Variants in THG1L observed in about 807,000 individuals in gnomAD.
THG1L encodes the protein probable tRNA(His) guanylyltransferase.
A neutral mutation model predicts 35.2 loss-of-function variants in THG1L; 27 were observed. That is an observed-to-expected ratio of 0.77 (90% CI 0.57 to 1.06). The LOEUF (loss-of-function observed/expected upper bound fraction) is 1.06. Ranked by LOEUF, THG1L falls within the 50% of genes least tolerant of loss-of-function variation. The probability of loss-of-function intolerance (pLI) is 0.00; values close to 1 mark genes in which losing one functional copy is unlikely to be tolerated. For missense variants in THG1L, 377 were observed against 371.8 expected (o/e 1.01, Z -0.12); for synonymous variants, 135 against 132.4 (o/e 1.02, Z -0.14).
intron 5 of THG1L, 110 bp from the exon 6 acceptor site, chr5:157,739,211 T>C: frequency 1.1e-6 from 1 of 944,492 alleles, no homozygotes; most frequent in Non-Finnish European, 1.6e-6. Flanking sequence ...ATCTCAAATC[T>C]GGCAGTCGGA....
Position 157,738,375 on chromosome 5 carries a change from A to G in THG1L, c.735+381A>G, listed in dbSNP as rs12513753. 8.7e-3 allele frequency among the ~76,000 whole-genome samples: 1,329 copies of G among 152,282 alleles called. 23 individuals are homozygous for G. The highest frequency in any genetic ancestry group is 0.03 in the African/African-American group (1,239 of 41,564). On this transcript the variant is annotated intron_variant, in intron 5 of 5. Coordinates refer to ENST00000231198, the MANE Select transcript of THG1L (RefSeq NM_017872.5). ...TAAATGGTCTCTCCATCCCATGACAACTGTAATATGAGGCACTAAGAGACA... is the reference window on the plus strand; with the variant it reads ...TAAATGGTCTCTCCATCCCATGACAGCTGTAATATGAGGCACTAAGAGACA...
rs1037475199 is a variant in THG1L, at chr5:157,732,264, A to G, written c.192-604A>G. Reference sequence around the variant, plus strand: ...AAAAAAGAGAGAGAGAGAGAGAAAGAAGGAAGAGAGAAAGAAAGAAAAAGA... The same window carrying G: ...AAAAAAGAGAGAGAGAGAGAGAAAGGAGGAAGAGAGAAAGAAAGAAAAAGA... On this transcript the variant is annotated intron_variant, in intron 1 of 5. Transcript: ENST00000231198. Among the ~76,000 whole-genome samples the G allele has an allele frequency of 2.7e-5, 4 of 146,192 alleles. No homozygotes were observed. In the East Asian group the frequency reaches 8.2e-4, roughly 30 times the overall value.
chr5:157,738,575 T>A, intron 5 of THG1L: 1 of 420,552 alleles, frequency 2.4e-6, no homozygotes, highest in South Asian at 1.7e-5. Flanking sequence ...TTTCCTTCCA[T>A]GTAAAGTTTT....
At position 157,731,606 on chromosome 5, in the gene THG1L, C is replaced by T. The variant is rs762909954; in HGVS notation, c.166C>T (p.Arg56Trp). 3 of 1,596,876 alleles carry T rather than the reference C, an allele frequency of 1.9e-6. No individual in the cohort carries two copies. Among genetic ancestry groups the T allele is most frequent in the East Asian group, 2.3e-5 (1 of 43,896 alleles). The change falls in exon 1 of 6, where the codon CGG becomes TGG. Residue 56 changes from arginine (R) to tryptophan (W), a missense_variant. Arg to Trp is a moderately radical substitution (Grantham distance 101). Transcript: ENST00000231198. ...CCTGGCACACTGCTGGGTGGTAGTG[C>T]GGCTGGACGGCCGGAATTTCCATCG... is the stretch of plus-strand genomic sequence containing the variant. ...TCLAHCWVVV[R>W]LDGRNFHRFA...
chr5:157,734,875 A>G (rs559169829), intron 3 of THG1L, 130 bp downstream of exon 3: 9 of 969,660 alleles, frequency 9.3e-6, no homozygotes, highest in Middle Eastern at 2.3e-4. Context: ...CAGTATTTAA[A>G]TATTTTTTCA....
rs1259414654 is a variant in THG1L at position 157,732,873 on chromosome 5, C to T, written c.197C>T (p.Ala66Val). The change falls in exon 2 of 6, where the codon GCT becomes GTT. Residue 66 changes from alanine to valine, a missense_variant. Transcript: ENST00000231198. ...RLDGRNFHRF[A>V]EKHNFAKPND... The stretch of plus-strand genomic sequence containing the variant: ...TCCCTTTTTCCCCTGTGAAGGTTTG[C>T]TGAGAAGCACAACTTTGCAAAACCC... The T allele has an allele frequency of 6.2e-7, 1 of 1,614,122 alleles. No homozygotes were observed. Among genetic ancestry groups the T allele is most frequent in the African/African-American group, 1.3e-5 (1 of 75,042 alleles).
chr5:157,731,491 CAT>C lies in THG1L; in HGVS notation c.52_53del (p.Ile18HisfsTer26). The C allele has an allele frequency of 6.2e-7, 1 of 1,610,316 alleles. No individual in the cohort carries two copies. Among genetic ancestry groups the C allele is most frequent in the Non-Finnish European group, 8.5e-7 (1 of 1,178,104 alleles). On this transcript the variant is annotated frameshift_variant, in exon 1 of 6. Coordinates refer to ENST00000231198, the MANE Select transcript of THG1L (RefSeq NM_017872.5). LOFTEE classifies it high-confidence loss of function. ...TTCACGATTCCTTGGCCACCATTTC[CAT>C]CACTCTGAGACGGTACCTGAGATTG... is the stretch of plus-strand genomic sequence containing the variant. ...KVHDSLATIS[I>X]TLRRYLRLGA...
chr5:157,731,690 C>T, intron 1 of THG1L, 59 bp downstream of exon 1: 5 of 1,543,422 alleles, frequency 3.2e-6, no homozygotes, highest in Non-Finnish European at 4.4e-6. Context: ...AATCCAGCTT[C>T]TTCCCTTGCA....
chr5:157,736,225 T>G (rs1760884696), intron 4 of THG1L, among the ~76,000 whole-genome samples: 1 of 151,666 alleles, frequency 6.6e-6, no homozygotes, highest in African/African-American at 2.4e-5. Flanking sequence ...TGTATGACTG[T>G]GTATGACTGC....
rs1375269341 is a variant in THG1L, at chr5:157,737,940, C to A, written c.681C>A (p.Asn227Lys). Residue 227 changes from asparagine (N) to lysine (K), a missense_variant, in exon 5 of 6, where the codon AAC becomes AAA. Transcript: ENST00000231198. ...NEILFSEFNI[N>K]YNNELPMYRK... is the part of the protein sequence containing the mutation. The stretch of plus-strand genomic sequence containing the variant: ...TTTTGTTTTCTGAATTCAACATCAA[C>A]TATAATAATGAGCTGCCGATGTATA... 1 of 1,613,424 alleles carries A rather than the reference C, an allele frequency of 6.2e-7. No homozygotes were observed. Among genetic ancestry groups the A allele is most frequent in the East Asian group, 2.2e-5 (1 of 44,864 alleles).
intron 4 of THG1L, among the ~76,000 whole-genome samples, chr5:157,737,193 A>G (rs1223046097): frequency 5.9e-5 from 9 of 152,170 alleles, no homozygotes; most frequent in African/African-American, 2.2e-4. Context: ...TTATATAGCA[A>G]TAATAGGAAA....
rs771524724 is a variant in THG1L at position 157,731,502 on chromosome 5, G to A, written c.62G>A (p.Arg21Lys). The A allele has an allele frequency of 2.5e-6, 4 of 1,613,116 alleles. No homozygotes were observed. Among genetic ancestry groups the A allele is most frequent in the Middle Eastern group, 3.3e-4 (2 of 6,058 alleles). Residue 21 changes from arginine to lysine, a missense_variant, in exon 1 of 6, where the codon AGA becomes AAA. By Grantham distance (26) the Arg-to-Lys change is conservative. Coordinates refer to ENST00000231198, the MANE Select transcript of THG1L (RefSeq NM_017872.5). ...TTGGCCACCATTTCCATCACTCTGAGACGGTACCTGAGATTGGGGGCGACC... is the reference window on the plus strand; with the variant it reads ...TTGGCCACCATTTCCATCACTCTGAAACGGTACCTGAGATTGGGGGCGACC... ...DSLATISITL[R>K]RYLRLGATMA...
In THG1L at chr5:157,739,397, G is replaced by A. The variant is rs1265415464; in HGVS notation, c.812G>A (p.Arg271Lys). The change falls in exon 6 of 6, where the codon AGG (arginine) becomes AAG (lysine). Residue 271 changes from arginine to lysine, a missense_variant. Transcript: ENST00000231198. ...AAAAAGATGGCAGTGACCCGGACCAGGACAAAGCCAGTGCCCTTGCACTGC... is the reference window on the plus strand; with the variant it reads ...AAAAAGATGGCAGTGACCCGGACCAAGACAAAGCCAGTGCCCTTGCACTGC... The part of the protein sequence containing the change: ...EGKKMAVTRT[R>K]TKPVPLHCDI... The A allele has an allele frequency of 1.2e-6, 2 of 1,613,854 alleles. No individual in the cohort carries two copies. The highest frequency in any genetic ancestry group is 2.7e-5 in the African/African-American group (2 of 74,918).
In THG1L at chr5:157,733,031, A is replaced by G. The variant is rs1481354351; in HGVS notation, c.355A>G (p.Lys119Glu). The change falls in exon 2 of 6, where the codon AAA (lysine) becomes GAA (glutamate). Residue 119 changes from lysine (K) to glutamate (E), a missense_variant. Transcript: ENST00000231198. The part of the protein sequence containing the change: ...FVFKRKTNWF[K>E]RRASKFMTHV... ...GTTCAAGCGGAAAACCAATTGGTTT[A>G]AAAGAAGAGCCAGGTAATTCCATGA... 1.2e-6 allele frequency: 2 copies of G among 1,613,970 alleles called. No individual in the cohort carries two copies. Among genetic ancestry groups the G allele is most frequent in the Non-Finnish European group, 1.7e-6 (2 of 1,179,922 alleles).
Position 157,739,300 on chromosome 5 carries a change from CTACTT to C in THG1L, c.736-18_736-14del, listed in dbSNP as rs1760971371. ...ACCCACTCCTGACTTAACAATGTCA[CTACTT>C]TATTTTTACCTGTAGGTGGATGAAG... On this transcript the variant is annotated splice_polypyrimidine_tract_variant and intron_variant, in intron 5 of 5. Coordinates refer to ENST00000231198, the MANE Select transcript of THG1L (RefSeq NM_017872.5). 6.2e-7 allele frequency: 1 copy of C among 1,609,274 alleles called. No individual in the cohort carries two copies. The highest frequency in any genetic ancestry group is 8.5e-7 in the Non-Finnish European group (1 of 1,177,696).
chr5:157,732,760 A>G, intron 1 of THG1L, 108 bp from the exon 2 acceptor site: 2 of 1,313,264 alleles, frequency 1.5e-6, no homozygotes, highest in Non-Finnish European at 2.1e-6. Context: ...TTGAGTTCAC[A>G]GTGCTATTAC....
At chr5:157,731,666 CA>C in intron 1 of THG1L, 35 bp downstream of exon 1, 1 of 1,571,738 alleles carries the variant, frequency 6.4e-7, no homozygotes, top group Non-Finnish European at 8.6e-7. Flanking sequence ...CGCGATGCGC[CA>C]GCGCTTCCGG....
In THG1L at chr5:157,739,586, G is replaced by A; in HGVS notation, c.*104G>A. The stretch of plus-strand genomic sequence containing the variant: ...TAGCATCCCTACCACCCAGGACACT[G>A]GTGCGAATGACACAACTCAAGTTGG... On this transcript the variant is annotated 3_prime_UTR_variant, in exon 6 of 6. Coordinates refer to ENST00000231198, the MANE Select transcript of THG1L (RefSeq NM_017872.5). 7.3e-7 allele frequency: 1 copy of A among 1,378,086 alleles called. No homozygotes were observed. The highest frequency in any genetic ancestry group is 9.8e-7 in the Non-Finnish European group (1 of 1,022,948). The allele number at this position is 1,378,086 out of a possible 1,614,324, so 85.4% of individuals were successfully genotyped here.
intron 4 of THG1L, among the ~76,000 whole-genome samples, chr5:157,736,393 G>T (rs549312924): frequency 2.2e-4 from 34 of 152,240 alleles, no homozygotes; most frequent in Non-Finnish European, 4.3e-4. Context: ...GGGATTACAG[G>T]TGCATGCCAC....
Sources: gnomAD v4.1 joint callset for allele counts (sites outside exome capture counted in the v4.1 genomes callset) on GRCh38, gnomAD v4.1.1 for gene constraint, MANE v1.5 for transcripts, NCBI Gene and HGNC (gene_info 2026-07-23, HGNC 2026-07-21) for gene names.